CEP295: variants seen among roughly 807,000 people sequenced by gnomAD.
CEP295 encodes centrosomal protein 295, also known as centrosomal protein of 295 kDa.
A neutral mutation model predicts 291.6 loss-of-function variants in CEP295; 190 were observed. The observed-to-expected ratio is 0.65, with a 90% CI of 0.58 to 0.73. The LOEUF is 0.73. Ranked by LOEUF, CEP295 falls within the 30% of genes least tolerant of loss-of-function variation. The pLI is 0.00. For synonymous variants in CEP295, 993 were observed against 1,038.8 expected, an observed-to-expected ratio of 0.96 and a Z score of 0.85; for missense variants, 2,863 against 2,949.4, an observed-to-expected ratio of 0.97 and a Z score of 0.68.
intron 9 of CEP295, among the ~76,000 whole-genome samples, chr11:93,686,645 A>G (rs1408564040): frequency 6.6e-6 from 1 of 152,186 alleles, no homozygotes; most frequent in Non-Finnish European, 1.5e-5. Context: ...GTGTGATTCC[A>G]TGTTTATATG....
In CEP295 at chr11:93,702,879, A is replaced by G. The variant is rs1253005859; in HGVS notation, c.5556A>G (p.Gln1852=). ...ACCAGCATGAACTTAGTGCTATACAAGAAGTAGAGTCACCAGCAATTGGCA... is the reference window on the plus strand; with the variant it reads ...ACCAGCATGAACTTAGTGCTATACAGGAAGTAGAGTCACCAGCAATTGGCA... ...DLNQHELSAI[Q]EVESPAIGRT... is the part of the protein sequence containing the mutation. The change falls in exon 17 of 30, where the codon CAA becomes CAG. Residue 1852 remains glutamine (Q), a synonymous_variant. Coordinates refer to ENST00000325212, the MANE Select transcript of CEP295 (RefSeq NM_033395.2). The G allele has an allele frequency of 5.2e-6, 8 of 1,551,562 alleles. No homozygotes were observed. Among genetic ancestry groups the G allele is most frequent in the Non-Finnish European group, 6.1e-6 (7 of 1,146,892 alleles).
chr11:93,689,977 G>C (rs888726684), intron 10 of CEP295, among the ~76,000 whole-genome samples: 4 of 152,172 alleles, frequency 2.6e-5, no homozygotes, highest in Admixed American at 6.5e-5. Flanking sequence ...ACCATCTGAG[G>C]GATTCCAACA....
At chr11:93,672,197 T>C (rs1950484949) in intron 5 of CEP295, among the ~76,000 whole-genome samples, 1 of 152,216 alleles carries the variant, frequency 6.6e-6, no homozygotes, top group African/African-American at 2.4e-5. Flanking sequence ...ACTGTGACAC[T>C]TAGCTTCCCG....
At chr11:93,715,207 C>T (rs943290443) in intron 18 of CEP295, among the ~76,000 whole-genome samples, 2 of 152,112 alleles carry the variant, frequency 1.3e-5, no homozygotes, top group African/African-American at 4.8e-5. Flanking sequence ...CAAACAAAGT[C>T]CTTTCCACTG....
intron 6 of CEP295, among the ~76,000 whole-genome samples, chr11:93,676,743 T>A (rs1050163911): frequency 2.0e-5 from 3 of 152,022 alleles, no homozygotes; most frequent in Non-Finnish European, 4.4e-5. Context: ...TAACTAAGAT[T>A]GATGATGAAT....
chr11:93,709,037 T>A (rs1952712463), intron 18 of CEP295, among the ~76,000 whole-genome samples: 1 of 152,238 alleles, frequency 6.6e-6, no homozygotes, highest in Non-Finnish European at 1.5e-5. Flanking sequence ...TTATATATTC[T>A]AGTTATGAAT....
rs1444040635 is a variant in CEP295 at position 93,729,779 on chromosome 11, TA to T, written c.7567del (p.Ser2523ValfsTer4). 1 of 1,539,732 alleles carries T rather than the reference TA, an allele frequency of 6.5e-7. No individual in the cohort carries two copies. The highest frequency in any genetic ancestry group is 1.2e-5 in the South Asian group (1 of 82,138). On this transcript the variant is annotated frameshift_variant and splice_region_variant, in exon 27 of 30. Coordinates refer to ENST00000325212, the MANE Select transcript of CEP295 (RefSeq NM_033395.2). LOFTEE classifies it high-confidence loss of function. Reference sequence around the variant, plus strand: ...AAAACAGTTAAAGAGAAACCATCTATAAGTATGTTGAATTTTTAAAATCTTC... The same window carrying T: ...AAAACAGTTAAAGAGAAACCATCTATAGTATGTTGAATTTTTAAAATCTTC... ...QIKTVKEKPS[I>X]SSSVSRLKGV...
chr11:93,666,377 T>G (rs1170543768), intron 1 of CEP295, among the ~76,000 whole-genome samples: 1 of 152,176 alleles, frequency 6.6e-6, no homozygotes, highest in Non-Finnish European at 1.5e-5. Flanking sequence ...GTGGATCACT[T>G]GAGGCCAAGA....
At chr11:93,687,001 A>G (rs1438065692) in intron 9 of CEP295, among the ~76,000 whole-genome samples, 2 of 152,210 alleles carry the variant, frequency 1.3e-5, no homozygotes, top group African/African-American at 2.4e-5. Context: ...TTGTCCTCTT[A>G]GAGAACTGTT....
intron 18 of CEP295, among the ~76,000 whole-genome samples, chr11:93,710,149 G>A (rs1464616443): frequency 6.6e-6 from 1 of 152,124 alleles, no homozygotes; most frequent in East Asian, 1.9e-4. Context: ...CTCTAGCTAG[G>A]ACTTCCAGTA....
Position 93,667,628 on chromosome 11 carries a change from A to G in CEP295, c.130A>G (p.Ile44Val), listed in dbSNP as rs1475562485. Residue 44 changes from isoleucine (I) to valine (V), a missense_variant, in exon 3 of 30, where the codon ATC (isoleucine) becomes GTC (valine). Ile to Val is a conservative substitution (Grantham distance 29). Coordinates refer to ENST00000325212, the MANE Select transcript of CEP295 (RefSeq NM_033395.2). ...TTAGGTTCGAGAACAAGAAAGAGAT[A>G]TCGCCTTACAGATAAGAGAAGACAT... The part of the protein sequence containing the change: ...LLQVREQERD[I>V]ALQIREDIKQ... 11 of 1,548,626 alleles carry G rather than the reference A, an allele frequency of 7.1e-6. 1 individual carries two copies. The Admixed American group carries it at 2.2e-4, about 31-fold the overall frequency.
intron 18 of CEP295, among the ~76,000 whole-genome samples, chr11:93,712,981 G>C (rs1953013967): frequency 6.7e-6 from 1 of 148,236 alleles, no homozygotes; most frequent in Non-Finnish European, 1.5e-5. Flanking sequence ...TTTTAAATTT[G>C]AGGTTACCCT....
Position 93,729,942 on chromosome 11 carries a change from A to G in CEP295, c.7640A>G (p.Gln2547Arg). Residue 2547 changes from glutamine to arginine, a missense_variant, in exon 28 of 30, where the codon CAG (glutamine) becomes CGG (arginine). Gln to Arg is a conservative substitution (Grantham distance 43, BLOSUM62 1). Transcript: ENST00000325212. ...TTTCCTGAAGACAGAAAGACTACAC[A>G]GGCTCTAAGGCACCAAAGGGGTCTA... ...ASFPEDRKTT[Q>R]ALRHQRGLRL... 6.5e-7 allele frequency: 1 copy of G among 1,544,094 alleles called. No homozygotes were observed. Among genetic ancestry groups the G allele is most frequent in the South Asian group, 1.2e-5 (1 of 82,296 alleles).
At chr11:93,710,966 C>T (rs1196921111) in intron 18 of CEP295, among the ~76,000 whole-genome samples, 1 of 152,064 alleles carries the variant, frequency 6.6e-6, no homozygotes, top group East Asian at 1.9e-4. Flanking sequence ...TCTCCTTTTT[C>T]ATTTCTGATT....
chr11:93,681,002 C>A (rs1950930566), intron 7 of CEP295, among the ~76,000 whole-genome samples: 1 of 152,174 alleles, frequency 6.6e-6, no homozygotes, highest in Non-Finnish European at 1.5e-5. Context: ...ACTAAAATAA[C>A]TGAATGTCTG....
intron 3 of CEP295, 137 bp from the exon 4 acceptor site, chr11:93,668,671 G>C (rs1385979518): frequency 9.5e-6 from 6 of 632,266 alleles, no homozygotes; most frequent in Non-Finnish European, 1.6e-5. Context: ...CAGTGGTACT[G>C]TTGTCATGCT....
chr11:93,720,174 A>C (rs571333730), intron 18 of CEP295, among the ~76,000 whole-genome samples: 1 of 152,032 alleles, frequency 6.6e-6, no homozygotes, highest in Admixed American at 6.6e-5. Flanking sequence ...TCTGGGAAAC[A>C]TAACAAGACT....
chr11:93,668,332 TAA>T (rs1565427339), intron 3 of CEP295, among the ~76,000 whole-genome samples: 1 of 152,164 alleles, frequency 6.6e-6, no homozygotes, highest in Non-Finnish European at 1.5e-5. Flanking sequence ...GAAAATATCT[TAA>T]GACTGTGGCA....
chr11:93,685,091 G>T (rs1179269804), intron 9 of CEP295, among the ~76,000 whole-genome samples: 1 of 152,116 alleles, frequency 6.6e-6, no homozygotes, highest in Non-Finnish European at 1.5e-5. Flanking sequence ...TTAGTGAATG[G>T]TATCACAGTC....
Sources: allele counts gnomAD v4.1 joint callset (sites outside exome capture counted in the v4.1 genomes callset), GRCh38; gene constraint gnomAD v4.1.1; transcripts MANE v1.5; gene names NCBI Gene and HGNC (gene_info 2026-07-23, HGNC 2026-07-21).